The following TNIK variants were observed in gnomAD, a reference collection of about 807,000 sequenced individuals.
TNIK encodes TRAF2 and NCK-interacting protein kinase.
TNIK carries 49 observed loss-of-function variants against 191.3 expected under a neutral mutation model. The ratio of observed to expected loss-of-function variants is 0.26; its 90% CI spans 0.20 to 0.32. TNIK has a LOEUF of 0.32. TNIK is among the 10% of genes least tolerant of loss of function. The probability of loss-of-function intolerance (pLI) is 1.00; values close to 1 mark genes in which losing one functional copy is unlikely to be tolerated. For synonymous variants in TNIK, 594 were observed against 600.9 expected (o/e 0.99, Z 0.17); for missense variants, 1,155 against 1,702.3 (o/e 0.68, Z 5.66).
chr3:171,198,058 C>G (rs1333448004), intron 4 of TNIK, among the ~76,000 whole-genome samples: 1 of 152,030 alleles, frequency 6.6e-6, no homozygotes, highest in Non-Finnish European at 1.5e-5. Flanking sequence ...TGTGGGATAT[C>G]CATACAATAA....
At chr3:171,229,177 G>A (rs1017852416) in intron 2 of TNIK, among the ~76,000 whole-genome samples, 1 of 152,188 alleles carries the variant, frequency 6.6e-6, no homozygotes, top group African/African-American at 2.4e-5. Flanking sequence ...AACGATATGA[G>A]ATCATGTATA....
At chr3:171,350,299 C>T (rs1712930797) in intron 2 of TNIK, among the ~76,000 whole-genome samples, 1 of 152,116 alleles carries the variant, frequency 6.6e-6, no homozygotes, top group Admixed American at 6.5e-5. Context: ...AAGAACAAAC[C>T]TGGTAGCCAA....
chr3:171,135,225 T>G (rs532469989), intron 15 of TNIK, among the ~76,000 whole-genome samples: 69 of 152,376 alleles, frequency 4.5e-4, no homozygotes, highest in African/African-American at 1.6e-3. Context: ...ACTTGGTCAC[T>G]TTGAGCCCCT....
chr3:171,128,907 A>G, intron 15 of TNIK, 29 bp from the exon 16 acceptor site: 2 of 1,498,970 alleles, frequency 1.3e-6, no homozygotes, highest in Non-Finnish European at 1.8e-6. Context: ...AAAAAAAAAA[A>G]GACAGCCTCA....
At position 171,458,518 on chromosome 3, in the gene TNIK, A is replaced by G. The variant is rs144886783; in HGVS notation, c.57+1489T>C. Among the ~76,000 whole-genome samples the G allele has an allele frequency of 2.7e-3, 404 of 152,356 alleles. 1 individual carries two copies. Among genetic ancestry groups the G allele is most frequent in the African/African-American group, 9.4e-3 (389 of 41,584 alleles). The stretch of plus-strand genomic sequence containing the variant: ...CTGAAACCTCATCTCTTAGCCCAAC[A>G]GATTAAGACGAAGAGAGAAAGACTT... On this transcript the variant is annotated intron_variant, in intron 1 of 32. Transcript: ENST00000436636.
intron 1 of TNIK, among the ~76,000 whole-genome samples, chr3:171,437,986 T>C (rs191615827): frequency 1.6e-3 from 242 of 152,314 alleles, no homozygotes; most frequent in Non-Finnish European, 2.6e-3. Context: ...TGTTAGCCAC[T>C]GGGGAAGCTG....
intron 9 of TNIK, among the ~76,000 whole-genome samples, chr3:171,174,002 G>A (rs1021196532): frequency 6.6e-6 from 1 of 152,170 alleles, no homozygotes; most frequent in African/African-American, 2.4e-5. Flanking sequence ...GGAGAGAAGG[G>A]TTGTCTTGCA....
intron 14 of TNIK, among the ~76,000 whole-genome samples, chr3:171,138,625 G>A (rs1413236810): frequency 2.0e-5 from 3 of 151,984 alleles, no homozygotes; most frequent in East Asian, 1.9e-4. Flanking sequence ...AATCCCTACC[G>A]AACCCCATCA....
chr3:171,146,114 C>T (rs575674732), intron 12 of TNIK, among the ~76,000 whole-genome samples: 1 of 152,300 alleles, frequency 6.6e-6, no homozygotes, highest in South Asian at 2.1e-4. Context: ...TCTCTTTTCT[C>T]ATGTGTCAGG....
intron 2 of TNIK, among the ~76,000 whole-genome samples, chr3:171,315,043 C>A (rs192303688): frequency 1.3e-5 from 2 of 152,274 alleles, no homozygotes; most frequent in East Asian, 1.9e-4. Flanking sequence ...ACAAACCCCC[C>A]CTCCTGCTTT....
chr3:171,329,049 A>G (rs1223705721), intron 2 of TNIK, among the ~76,000 whole-genome samples: 1 of 152,178 alleles, frequency 6.6e-6, no homozygotes, highest in East Asian at 1.9e-4. Context: ...ATTTCATACT[A>G]TTCTTGATGC....
At chr3:171,354,262 G>A (rs1713675500) in intron 2 of TNIK, among the ~76,000 whole-genome samples, 1 of 152,084 alleles carries the variant, frequency 6.6e-6, no homozygotes, top group Non-Finnish European at 1.5e-5. Context: ...ATTGCTGATT[G>A]TAAAAAGGGG....
chr3:171,133,827 T>C (rs1729631295), intron 15 of TNIK, among the ~76,000 whole-genome samples: 1 of 152,198 alleles, frequency 6.6e-6, no homozygotes, highest in Non-Finnish European at 1.5e-5. Context: ...TTATACACAG[T>C]GATTTCAAAG....
At chr3:171,278,290 G>A (rs147304227) in intron 2 of TNIK, among the ~76,000 whole-genome samples, 2 of 152,256 alleles carry the variant, frequency 1.3e-5, no homozygotes, top group Admixed American at 6.5e-5. Flanking sequence ...CCCAGCCCTT[G>A]TCTTTTAATT....
Position 171,363,998 on chromosome 3 carries a change from T to C in TNIK, c.123+5622A>G, listed in dbSNP as rs1301342774. Among the ~76,000 whole-genome samples, 12 of 152,308 alleles carry C rather than the reference T, an allele frequency of 7.9e-5. No individual in the cohort carries two copies. The East Asian group carries it at 2.3e-3, about 29-fold the overall frequency. ...GCATGGAAATCCTAAAATAAATGAT[T>C]ACAAAAAGTATAGGATTAGCATTCA... On this transcript the variant is annotated intron_variant, in intron 2 of 32. Transcript: ENST00000436636.
chr3:171,437,833 A>G lies in TNIK; in HGVS notation c.57+22174T>C, dbSNP rs78180509. Among the ~76,000 whole-genome samples the G allele has an allele frequency of 5.4e-3, 819 of 152,396 alleles. 4 individuals are homozygous for G. Among genetic ancestry groups the G allele is most frequent in the Non-Finnish European group, 7.4e-3 (506 of 68,046 alleles). On this transcript the variant is annotated intron_variant, in intron 1 of 32. Coordinates refer to ENST00000436636, the MANE Select transcript of TNIK (RefSeq NM_015028.4). ...CTTAAAAGCAGAATTAGATGGCTCC[A>G]GATGACTTAAACAAAAATCTGAGGG...
intron 1 of TNIK, among the ~76,000 whole-genome samples, chr3:171,413,798 A>C (rs1174192288): frequency 1.3e-5 from 2 of 152,226 alleles, no homozygotes; most frequent in Non-Finnish European, 2.9e-5. Flanking sequence ...ATCTGAAGTC[A>C]AATCCCAGCC....
chr3:171,373,707 C>T (rs932249547), intron 1 of TNIK, among the ~76,000 whole-genome samples: 1 of 152,180 alleles, frequency 6.6e-6, no homozygotes, highest in African/African-American at 2.4e-5. Context: ...TCATTCTGTA[C>T]TATAACCAAC....
At chr3:171,385,960 C>T (rs1286935033) in intron 1 of TNIK, among the ~76,000 whole-genome samples, 1 of 152,192 alleles carries the variant, frequency 6.6e-6, no homozygotes, top group East Asian at 1.9e-4. Context: ...GGCCTCACTT[C>T]TCCCAGGCAA....
Sources: gnomAD v4.1 joint callset for allele counts (sites outside exome capture counted in the v4.1 genomes callset) on GRCh38, gnomAD v4.1.1 for gene constraint, MANE v1.5 for transcripts, NCBI Gene and HGNC (gene_info 2026-07-23, HGNC 2026-07-21) for gene names.